MYO16: variants seen among roughly 807,000 people sequenced by gnomAD.
MYO16 encodes myosin XVI, also known as unconventional myosin-XVI.
A neutral mutation model predicts 205.3 loss-of-function variants in MYO16; 94 were observed. The ratio of observed to expected loss-of-function variants is 0.46; its 90% CI spans 0.39 to 0.54. The LOEUF is 0.54. Among genes scored for constraint, MYO16 ranks in the 20% least tolerant of loss-of-function variants. The probability of loss-of-function intolerance (pLI) is 0.00; values close to 1 mark genes in which losing one functional copy is unlikely to be tolerated. For missense variants in MYO16, 2,315 were observed against 2,387.5 expected, an observed-to-expected ratio of 0.97 and a Z score of 0.63; for synonymous variants, 988 against 954.0, an observed-to-expected ratio of 1.04 and a Z score of -0.66.
the MYO16 span, among the ~76,000 whole-genome samples, chr13:108,557,505 C>T: frequency 6.6e-6 from 1 of 152,014 alleles, no homozygotes; most frequent in Admixed American, 6.6e-5. Flanking sequence ...TTTCACAAAA[C>T]AATATTTGTC....
intron 13 of MYO16, among the ~76,000 whole-genome samples, chr13:108,883,799 A>T (rs973173450): frequency 2.0e-5 from 3 of 151,792 alleles, no homozygotes; most frequent in Non-Finnish European, 2.9e-5. Context: ...CTAATTTTTT[A>T]ATTTTTGTAG....
chr13:109,023,078 A>G lies in MYO16; in HGVS notation c.2796+3167A>G, dbSNP rs191088932. ...GTATATGTTTATATTTATATATTAT[A>G]TATACACATGTAAATATGTTTATAT... On this transcript the variant is annotated intron_variant, in intron 23 of 34. Transcript: ENST00000457511. Among the ~76,000 whole-genome samples the G allele has an allele frequency of 2.9e-3, 386 of 132,920 alleles. 2 individuals carry two copies. The highest frequency in any genetic ancestry group is 0.01 in the African/African-American group (374 of 36,178). The allele number at this position is 132,920 out of a possible 152,430, so 87.2% of individuals were successfully genotyped here. A position where few individuals can be genotyped will look rare whatever the true frequency, so the allele number is the denominator to read the frequency against.
chr13:108,565,719 G>T, the MYO16 span, among the ~76,000 whole-genome samples: 1 of 152,062 alleles, frequency 6.6e-6, no homozygotes, highest in East Asian at 1.9e-4. Context: ...GTATTAAATT[G>T]AATAACAGTG....
intron 22 of MYO16, among the ~76,000 whole-genome samples, chr13:109,017,364 G>A (rs1442371992): frequency 6.6e-6 from 1 of 152,172 alleles, no homozygotes; most frequent in East Asian, 1.9e-4. Flanking sequence ...CCCTTTGTGG[G>A]TAACCCGACC....
At chr13:108,540,455 G>T in the MYO16 span, among the ~76,000 whole-genome samples, 16 of 152,086 alleles carry the variant, frequency 1.1e-4, no homozygotes, top group African/African-American at 3.1e-4. Context: ...CCATCCAAAA[G>T]AAGTGAATCT....
intron 4 of MYO16, among the ~76,000 whole-genome samples, chr13:108,751,061 T>TCACACACACACA (rs35604385): frequency 6.7e-6 from 1 of 149,954 alleles, no homozygotes; most frequent in Admixed American, 6.7e-5. Flanking sequence ...ATATGTGTGT[T>TCACACACACACA]CACACACACA....
intron 33 of MYO16, among the ~76,000 whole-genome samples, chr13:109,177,036 C>T (rs1160802381): frequency 3.3e-5 from 5 of 152,320 alleles, no homozygotes; most frequent in South Asian, 2.1e-4. Flanking sequence ...GTCACATTTC[C>T]GCGAAGCGTC....
At chr13:108,680,447 C>T (rs569701460) in intron 2 of MYO16, among the ~76,000 whole-genome samples, 11 of 152,200 alleles carry the variant, frequency 7.2e-5, no homozygotes, top group Non-Finnish European at 1.5e-4. Context: ...TATTTGCCCA[C>T]ATATCCAAGG....
intron 7 of MYO16, among the ~76,000 whole-genome samples, chr13:108,811,203 A>C (rs2097973027): frequency 6.6e-6 from 1 of 152,056 alleles, no homozygotes; most frequent in African/African-American, 2.4e-5. Flanking sequence ...ATGTTTAAAA[A>C]CCCATTTTTA....
intron 34 of MYO16, among the ~76,000 whole-genome samples, chr13:109,186,979 T>C (rs74123526): frequency 0.11 from 16,664 of 152,238 alleles, 1,151 homozygotes; most frequent in African/African-American, 0.18. Context: ...AACCAATGTA[T>C]GTACTTCTAA....
intron 9 of MYO16, among the ~76,000 whole-genome samples, chr13:108,832,718 A>T (rs529755488): frequency 6.6e-6 from 1 of 152,342 alleles, no homozygotes; most frequent in South Asian, 2.1e-4. Context: ...TTAAGCAATA[A>T]TAAATCATAT....
intron 1 of MYO16, among the ~76,000 whole-genome samples, chr13:108,607,931 T>A (rs998560040): frequency 6.6e-6 from 1 of 152,218 alleles, no homozygotes; most frequent in African/African-American, 2.4e-5. Flanking sequence ...CTCTTGTTCC[T>A]GTTCTCTGAT....
intron 4 of MYO16, among the ~76,000 whole-genome samples, chr13:108,741,645 A>C (rs1226817140): frequency 1.3e-5 from 2 of 152,220 alleles, no homozygotes; most frequent in Non-Finnish European, 2.9e-5. Context: ...GCCATGAGAA[A>C]TTATTTTGGG....
the MYO16 span, among the ~76,000 whole-genome samples, chr13:108,510,276 C>T: frequency 6.6e-6 from 1 of 151,804 alleles, no homozygotes; most frequent in Non-Finnish European, 1.5e-5. Flanking sequence ...GCCATCACGC[C>T]CGGCTAATTT....
chr13:109,003,178 T>C (rs1885273037), intron 21 of MYO16, among the ~76,000 whole-genome samples: 2 of 152,222 alleles, frequency 1.3e-5, no homozygotes, highest in East Asian at 1.9e-4. Flanking sequence ...CTCTCCACTG[T>C]TGGAAACACA....
chr13:108,559,254 C>T, the MYO16 span, among the ~76,000 whole-genome samples: 1 of 151,966 alleles, frequency 6.6e-6, no homozygotes, highest in Non-Finnish European at 1.5e-5. Flanking sequence ...TGCGTGACCA[C>T]AGAGGCAGAG....
intron 4 of MYO16, among the ~76,000 whole-genome samples, chr13:108,741,001 G>A (rs1884888921): frequency 2.0e-5 from 3 of 152,116 alleles, no homozygotes; most frequent in Non-Finnish European, 4.4e-5. Flanking sequence ...TATTAGGGTG[G>A]GAGTGACCCG....
chr13:108,646,101 G>A (rs1418355046), intron 1 of MYO16, among the ~76,000 whole-genome samples: 1 of 152,158 alleles, frequency 6.6e-6, no homozygotes, highest in African/African-American at 2.4e-5. Context: ...CTTAGTTTGT[G>A]ATCACATGTC....
intron 2 of MYO16, among the ~76,000 whole-genome samples, chr13:108,667,323 T>G (rs1339430421): frequency 1.8e-4 from 27 of 148,154 alleles, no homozygotes; most frequent in Admixed American, 1.6e-3. Context: ...CTGTTTTGTT[T>G]TTTTTTTTTT....
Sources: gnomAD v4.1 joint callset for allele counts (sites outside exome capture counted in the v4.1 genomes callset) on GRCh38, gnomAD v4.1.1 for gene constraint, MANE v1.5 for transcripts, NCBI Gene and HGNC (gene_info 2026-07-23, HGNC 2026-07-21) for gene names.